Variants in LNPEP observed in about 807,000 individuals in gnomAD.
LNPEP encodes the protein leucyl and cystinyl aminopeptidase.
LNPEP carries 64 observed loss-of-function variants against 120.6 expected under a neutral mutation model. That is an observed-to-expected ratio of 0.53 (90% confidence interval 0.43 to 0.65). The LOEUF is 0.65. Ranked by LOEUF, LNPEP falls within the 30% of genes least tolerant of loss-of-function variation. The pLI is 0.00. For missense variants in LNPEP, 1,057 were observed against 1,200.0 expected (o/e 0.88, Z 1.76); for synonymous variants, 435 against 425.4 (o/e 1.02, Z -0.28).
chr5:96,958,953 C>T (rs906470638), intron 1 of LNPEP, among the ~76,000 whole-genome samples: 6 of 151,476 alleles, frequency 4.0e-5, no homozygotes, highest in Non-Finnish European at 7.4e-5. Context: ...CTCAGCCTTC[C>T]GAGTAGGGAT....
In LNPEP at chr5:96,985,071, T is replaced by G. The variant is rs1474045060; in HGVS notation, c.861-9T>G. On this transcript the variant is annotated splice_polypyrimidine_tract_variant and intron_variant, in intron 2 of 17. Coordinates refer to ENST00000231368, the MANE Select transcript of LNPEP (RefSeq NM_005575.3). ...AGTAACTACTGGATTGAATTTGTGT[T>G]TGTTTTAGGTACTTTGCAGCAACTC... is the stretch of plus-strand genomic sequence containing the variant. 1.9e-6 allele frequency: 3 copies of G among 1,613,676 alleles called. No homozygotes were observed. In the South Asian group the frequency reaches 3.3e-5, roughly 18 times the overall value.
At chr5:97,002,080 A>G (rs1790666225) in intron 8 of LNPEP, among the ~76,000 whole-genome samples, 1 of 152,202 alleles carries the variant, frequency 6.6e-6, no homozygotes, top group South Asian at 2.1e-4. Flanking sequence ...CGGAGGTTGT[A>G]GTGAGTGGAG....
At chr5:97,013,924 A>G (rs1790998576) in intron 12 of LNPEP, 93 bp downstream of exon 12, 2 of 921,244 alleles carry the variant, frequency 2.2e-6, no homozygotes, top group Admixed American at 2.5e-5. Context: ...AAGAACTAGC[A>G]TGTATTGGTT....
chr5:96,993,114 C>T lies in LNPEP; in HGVS notation c.1231C>T (p.Gln411Ter). Residue 411 changes from glutamine (Q) to a stop codon, truncating the protein, a stop_gained, in exon 5 of 18, where the codon CAG becomes TAG. Transcript: ENST00000231368. LOFTEE classifies it high-confidence loss of function. The part of the protein sequence containing the change: ...LEFFQNYFEI[Q>*]YPLKKLDLVA... ...GTTTTTTCAAAACTACTTTGAAATT[C>T]AGTACCCACTTAAGAAATTGGGTAA... 6.3e-7 allele frequency: 1 copy of T among 1,592,626 alleles called. No homozygotes were observed. The highest frequency in any genetic ancestry group is 8.6e-7 in the Non-Finnish European group (1 of 1,165,972).
chr5:97,027,712 C>A, intron 16 of LNPEP, 21 bp from the exon 17 acceptor site: 1 of 1,513,314 alleles, frequency 6.6e-7, no homozygotes, highest in Non-Finnish European at 9.2e-7. Context: ...TCTTTTTGCT[C>A]TTGTTTTTGT....
chr5:96,943,885 A>G (rs1390259607), intron 1 of LNPEP, among the ~76,000 whole-genome samples: 1 of 152,260 alleles, frequency 6.6e-6, no homozygotes, highest in African/African-American at 2.4e-5. Context: ...CTGAACCAGA[A>G]CTTGAATCAG....
chr5:96,996,992 C>T (rs558166760), intron 7 of LNPEP, among the ~76,000 whole-genome samples: 1 of 151,920 alleles, frequency 6.6e-6, no homozygotes, highest in South Asian at 2.1e-4. Flanking sequence ...AATAATTTGC[C>T]CTTTTTAAGG....
chr5:96,998,514 A>G (rs981609474), intron 8 of LNPEP, among the ~76,000 whole-genome samples: 4 of 152,230 alleles, frequency 2.6e-5, no homozygotes, highest in African/African-American at 7.2e-5. Context: ...AGGACTGCCA[A>G]AACAAGTAAG....
At chr5:97,016,909 A>T (rs1791080808) in intron 13 of LNPEP, among the ~76,000 whole-genome samples, 1 of 152,138 alleles carries the variant, frequency 6.6e-6, no homozygotes, top group Non-Finnish European at 1.5e-5. Flanking sequence ...GCTATTGTTG[A>T]TAGACATTTG....
At chr5:96,967,000 A>T (rs149801097) in intron 1 of LNPEP, among the ~76,000 whole-genome samples, 18 of 152,200 alleles carry the variant, frequency 1.2e-4, no homozygotes, top group Non-Finnish European at 2.9e-5. Context: ...TACGTAAGCA[A>T]CAACTCTGGC....
At chr5:97,011,308 C>A in intron 11 of LNPEP, 1 of 493,638 alleles carries the variant, frequency 2.0e-6, no homozygotes, top group Non-Finnish European at 2.6e-6. Context: ...TCACTGCAGC[C>A]TTGACCTAGT....
intron 13 of LNPEP, among the ~76,000 whole-genome samples, chr5:97,021,022 T>G (rs529090778): frequency 1.3e-5 from 2 of 152,300 alleles, no homozygotes; most frequent in African/African-American, 4.8e-5. Flanking sequence ...CGTCTGTTAG[T>G]ACCTTAATAC....
chr5:96,955,782 C>A (rs995110405), intron 1 of LNPEP, among the ~76,000 whole-genome samples: 4 of 152,162 alleles, frequency 2.6e-5, no homozygotes, highest in Admixed American at 6.5e-5. Flanking sequence ...TATAGACATT[C>A]AGTTTTGTTT....
At chr5:96,958,232 G>A (rs1789515554) in intron 1 of LNPEP, among the ~76,000 whole-genome samples, 1 of 152,206 alleles carries the variant, frequency 6.6e-6, no homozygotes, top group African/African-American at 2.4e-5. Context: ...AGCGGTCCGA[G>A]TGCAAAATTT....
At chr5:96,971,571 T>G (rs1159244987) in intron 1 of LNPEP, among the ~76,000 whole-genome samples, 2 of 152,068 alleles carry the variant, frequency 1.3e-5, no homozygotes, top group Non-Finnish European at 1.5e-5. Flanking sequence ...CCTGATGCTG[T>G]GTTTATTTTT....
rs1377501439 is a variant in LNPEP, at chr5:97,022,285, A to G, written c.2377-15A>G. ...AATTATTATGAAGCCATTATAATCT[A>G]TTTTGTCTCTCTAGACTAGGGTATT... On this transcript the variant is annotated splice_polypyrimidine_tract_variant and intron_variant, in intron 13 of 17. Transcript: ENST00000231368. 5 of 1,469,254 alleles carry G rather than the reference A, an allele frequency of 3.4e-6. No homozygotes were observed. Among genetic ancestry groups the G allele is most frequent in the South Asian group, 1.2e-5 (1 of 81,716 alleles). 91.0% of individuals were successfully genotyped at this position (1,469,254 alleles called of 1,614,324 possible).
intron 7 of LNPEP, among the ~76,000 whole-genome samples, chr5:96,997,649 T>C (rs1790549020): frequency 6.6e-6 from 1 of 152,142 alleles, no homozygotes; most frequent in South Asian, 2.1e-4. Context: ...TTGTTCTTTC[T>C]CTTTTTAAAT....
In LNPEP at chr5:96,979,478, T is replaced by C; in HGVS notation, c.360T>C (p.Val120=). The C allele has an allele frequency of 6.2e-7, 1 of 1,614,124 alleles. No homozygotes were observed. The highest frequency in any genetic ancestry group is 8.5e-7 in the Non-Finnish European group (1 of 1,179,976). The change falls in exon 2 of 18, where the codon GTT becomes GTC. Residue 120 remains valine, a synonymous_variant. Transcript: ENST00000231368. ...TGGTCTGTGCTTTTGTCATCGTGGT[T>C]GCTGTTTCTGTAATCATGGTGATTT... ...TMVVCAFVIV[V]AVSVIMVIYL...
intron 1 of LNPEP, among the ~76,000 whole-genome samples, chr5:96,955,324 G>A (rs539762397): frequency 3.3e-5 from 5 of 152,054 alleles, no homozygotes; most frequent in Admixed American, 6.5e-5. Flanking sequence ...TTTAAAAATT[G>A]GTGAATAGGG....
Sources: allele counts gnomAD v4.1 joint callset (sites outside exome capture counted in the v4.1 genomes callset), GRCh38; gene constraint gnomAD v4.1.1; transcripts MANE v1.5; gene names NCBI Gene and HGNC (gene_info 2026-07-23, HGNC 2026-07-21).